PGRMC2: variants seen among roughly 807,000 people sequenced by gnomAD.
PGRMC2 encodes membrane-associated progesterone receptor component 2.
Under a neutral mutation model 19.3 loss-of-function variants are expected in PGRMC2, and 9 were observed. That is an observed-to-expected ratio of 0.47 (90% CI 0.28 to 0.81). PGRMC2 has a LOEUF of 0.81. PGRMC2 is among the 40% of genes least tolerant of loss of function. PGRMC2 has a pLI of 0.11. For synonymous variants in PGRMC2, 157 were observed against 124.6 expected (o/e 1.26, Z -1.73); for missense variants, 289 against 297.3 (o/e 0.97, Z 0.21).
chr4:128,271,578 T>C (rs1760730217), intron 2 of PGRMC2, among the ~76,000 whole-genome samples, 165 bp from the exon 3 acceptor site: 1 of 152,216 alleles, frequency 6.6e-6, no homozygotes, highest in East Asian at 1.9e-4. Context: ...TTTATACACA[T>C]GTAAAGCCTG....
Position 128,286,720 on chromosome 4 carries a change from T to C in PGRMC2, c.418+653A>G, listed in dbSNP as rs1295690513. 4 of 398,428 alleles carry C rather than the reference T, an allele frequency of 1.0e-5. No individual in the cohort carries two copies. In the East Asian group the frequency reaches 1.4e-4, roughly 14 times the overall value. The allele number at this position is 398,428 out of a possible 1,614,324, so 24.7% of individuals were successfully genotyped here. A position where few individuals can be genotyped will look rare whatever the true frequency, so the allele number is the denominator to read the frequency against. On this transcript the variant is annotated intron_variant, in intron 1 of 2. Coordinates refer to ENST00000296425, the MANE Select transcript of PGRMC2 (RefSeq NM_006320.6). Reference sequence around the variant, plus strand: ...GTCTGTTCTCATCCCACATACCTTGTTAATCATGGAAAGCAACTCCGAACT... The same window carrying C: ...GTCTGTTCTCATCCCACATACCTTGCTAATCATGGAAAGCAACTCCGAACT...
At chr4:128,277,306 G>A (rs765595180) in intron 1 of PGRMC2, among the ~76,000 whole-genome samples, 8 of 152,122 alleles carry the variant, frequency 5.3e-5, no homozygotes, top group Non-Finnish European at 1.0e-4. Context: ...ATTTGTTACC[G>A]TATCCTAAAA....
At chr4:128,285,535 G>A (rs1182144684) in intron 1 of PGRMC2, among the ~76,000 whole-genome samples, 1 of 152,226 alleles carries the variant, frequency 6.6e-6, no homozygotes. Flanking sequence ...AAGGCATAAT[G>A]TGTGAGGACT....
At chr4:128,283,675 TGAGACAGAGTCTC>T (rs1348078153) in intron 1 of PGRMC2, among the ~76,000 whole-genome samples, 1 of 132,778 alleles carries the variant, frequency 7.5e-6, no homozygotes, top group Non-Finnish European at 1.6e-5. Context: ...TTTTTTTTTT[TGAGACAGAGTCTC>T]GTTCTGTCAT....
chr4:128,277,813 C>T (rs1318685075), intron 1 of PGRMC2, among the ~76,000 whole-genome samples: 1 of 152,160 alleles, frequency 6.6e-6, no homozygotes, highest in African/African-American at 2.4e-5. Flanking sequence ...AATAATACCT[C>T]TCAAGAAGAC....
chr4:128,286,668 C>A, intron 1 of PGRMC2: 1 of 398,516 alleles, frequency 2.5e-6, no homozygotes, highest in East Asian at 3.6e-5. Context: ...AATATCCTTA[C>A]CAGTCTTTAA....
chr4:128,280,092 T>C (rs1012028078), intron 1 of PGRMC2, among the ~76,000 whole-genome samples: 1 of 151,948 alleles, frequency 6.6e-6, no homozygotes. Context: ...AAAAAGTAAC[T>C]ACTGAAGATA....
At chr4:128,280,353 GA>G (rs11425107) in intron 1 of PGRMC2, among the ~76,000 whole-genome samples, 2 of 120,552 alleles carry the variant, frequency 1.7e-5, no homozygotes, top group African/African-American at 6.9e-5. Context: ...AATTTTCTGG[GA>G]AAAAAAAAAA....
chr4:128,287,614 C>G lies in PGRMC2; in HGVS notation c.177G>C (p.Ala59=). 1 of 1,538,220 alleles carries G rather than the reference C, an allele frequency of 6.5e-7. No homozygotes were observed. The highest frequency in any genetic ancestry group is 8.7e-7 in the Non-Finnish European group (1 of 1,145,208). Residue 59 remains alanine, a synonymous_variant, in exon 1 of 3, where the codon GCG becomes GCC. Transcript: ENST00000296425. ...CCCCCAGCAGCACCAGAGCCACCAGCGCCACGTTCAGCAGCATTTCCCCGC... is the reference window on the plus strand; with the variant it reads ...CCCCCAGCAGCACCAGAGCCACCAGGGCCACGTTCAGCAGCATTTCCCCGC... ...TGGGEMLLNV[A]LVALVLLGAY... is the part of the protein sequence containing the mutation.
At chr4:128,285,603 A>G (rs1760971942) in intron 1 of PGRMC2, among the ~76,000 whole-genome samples, 1 of 152,234 alleles carries the variant, frequency 6.6e-6, no homozygotes. Context: ...GACAGGGTAC[A>G]AAAGCTGATC....
At chr4:128,275,890 T>C (rs1760803861) in intron 1 of PGRMC2, among the ~76,000 whole-genome samples, 1 of 152,106 alleles carries the variant, frequency 6.6e-6, no homozygotes, top group Non-Finnish European at 1.5e-5. Flanking sequence ...CAGGCCTGCA[T>C]AATTTCTTTT....
chr4:128,280,704 CTTAA>C (rs1760896264), intron 1 of PGRMC2, among the ~76,000 whole-genome samples: 1 of 152,066 alleles, frequency 6.6e-6, no homozygotes, highest in Non-Finnish European at 1.5e-5. Flanking sequence ...CTCAAGCGAT[CTTAA>C]TACCTCAGAC....
rs1286577435 is a variant in PGRMC2, at chr4:128,287,686, C to T, written c.105G>A (p.Ala35=). ...CCGCCGCCGCCCAGCCTCCCCCTTCCGCTGCCGCTCCCGCGTCGCCTGGAC... is the reference window on the plus strand; with the variant it reads ...CCGCCGCCGCCCAGCCTCCCCCTTCTGCTGCCGCTCCCGCGTCGCCTGGAC... ...SESPGDAGAA[A]EGGGWAAAAL... is the part of the protein sequence containing the mutation. Residue 35 remains alanine, a synonymous_variant, in exon 1 of 3, where the codon GCG becomes GCA. Transcript: ENST00000296425. 4.6e-6 allele frequency: 7 copies of T among 1,529,248 alleles called. No individual in the cohort carries two copies. The highest frequency in any genetic ancestry group is 6.1e-6 in the Non-Finnish European group (7 of 1,139,390). The allele number at this position is 1,529,248 out of a possible 1,614,324, so 94.7% of individuals were successfully genotyped here.
At chr4:128,287,270 G>C in intron 1 of PGRMC2, 103 bp downstream of exon 1, 1 of 1,363,926 alleles carries the variant, frequency 7.3e-7, no homozygotes, top group Non-Finnish European at 9.8e-7. Context: ...TCCCGGAGAC[G>C]AGAAGGCTGG....
intron 2 of PGRMC2, among the ~76,000 whole-genome samples, chr4:128,272,134 G>GT (rs2110557765): frequency 6.6e-6 from 1 of 152,066 alleles, no homozygotes; most frequent in East Asian, 1.9e-4. Context: ...GTCTCACTAT[G>GT]TTGCCCAGGT....
chr4:128,286,867 G>C, intron 1 of PGRMC2: 2 of 370,926 alleles, frequency 5.4e-6, no homozygotes, highest in Non-Finnish European at 9.4e-6. Flanking sequence ...GGGAAAAAAG[G>C]AGATCAGTGG....
At chr4:128,281,644 T>C (rs771477160) in intron 1 of PGRMC2, among the ~76,000 whole-genome samples, 10 of 152,136 alleles carry the variant, frequency 6.6e-5, no homozygotes, top group Non-Finnish European at 1.2e-4. Flanking sequence ...TTAAAGGACA[T>C]AGTGCTAATA....
chr4:128,282,655 C>T (rs538770440), intron 1 of PGRMC2, among the ~76,000 whole-genome samples: 25 of 152,274 alleles, frequency 1.6e-4, no homozygotes, highest in African/African-American at 5.3e-4. Context: ...GGCATTAGCC[C>T]AAACAACAAA....
At chr4:128,278,234 T>C (rs1050609379) in intron 1 of PGRMC2, among the ~76,000 whole-genome samples, 1 of 152,180 alleles carries the variant, frequency 6.6e-6, no homozygotes, top group African/African-American at 2.4e-5. Context: ...ACACTAAAGA[T>C]AATACTTCAA....
Sources: gnomAD v4.1 joint callset for allele counts (sites outside exome capture counted in the v4.1 genomes callset) on GRCh38, gnomAD v4.1.1 for gene constraint, MANE v1.5 for transcripts, NCBI Gene and HGNC (gene_info 2026-07-23, HGNC 2026-07-21) for gene names.